The following PRDM16 variants were observed in gnomAD, a reference collection of about 807,000 sequenced individuals.
PRDM16 encodes PR/SET domain 16, also known as histone-lysine N-methyltransferase PRDM16.
A neutral mutation model predicts 110.6 loss-of-function variants in PRDM16; 23 were observed. The ratio of observed to expected loss-of-function variants is 0.21; its 90% CI spans 0.15 to 0.29. The LOEUF is 0.29. PRDM16 is among the 10% of genes least tolerant of loss of function. The probability of loss-of-function intolerance (pLI) is 1.00; values close to 1 mark genes in which losing one functional copy is unlikely to be tolerated. For missense variants in PRDM16, 1,615 were observed against 1,794.3 expected (o/e 0.90, Z 1.81); for synonymous variants, 799 against 781.8 (o/e 1.02, Z -0.37).
chr1:3,325,988 C>G (rs182514555), intron 3 of PRDM16, among the ~76,000 whole-genome samples: 98 of 145,486 alleles, frequency 6.7e-4, no homozygotes, highest in Non-Finnish European at 3.2e-4. Context: ...CATCCTCGAC[C>G]ATCCTTGGCC....
intron 1 of PRDM16, among the ~76,000 whole-genome samples, chr1:3,162,263 C>G (rs890948225): frequency 6.6e-6 from 1 of 152,166 alleles, no homozygotes; most frequent in Non-Finnish European, 1.5e-5. Context: ...AGTGACTCTG[C>G]GTCCCTCCTC....
At chr1:3,369,394 G>A (rs1252354294) in intron 3 of PRDM16, among the ~76,000 whole-genome samples, 2 of 152,210 alleles carry the variant, frequency 1.3e-5, no homozygotes, top group Non-Finnish European at 2.9e-5. Context: ...GCCCATCACC[G>A]AGCATCTGGG....
At chr1:3,172,440 G>T (rs1239879747) in intron 1 of PRDM16, among the ~76,000 whole-genome samples, 7 of 152,300 alleles carry the variant, frequency 4.6e-5, no homozygotes, top group African/African-American at 1.7e-4. Context: ...AATAGCCTGG[G>T]TTTTGTTGAT....
chr1:3,219,180 A>T (rs1452119511), intron 2 of PRDM16, among the ~76,000 whole-genome samples: 1 of 152,276 alleles, frequency 6.6e-6, no homozygotes, highest in Non-Finnish European at 1.5e-5. Context: ...GCATGCCGAC[A>T]AACGGCTCCC....
Position 3,350,263 on chromosome 1 carries a change from C to G in PRDM16, c.439-34889C>G, listed in dbSNP as rs371190499. 2.0e-5 allele frequency among the ~76,000 whole-genome samples: 3 copies of G among 152,268 alleles called. No individual in the cohort carries two copies. The highest frequency in any genetic ancestry group is 1.3e-4 in the Admixed American group (2 of 15,296). On this transcript the variant is annotated intron_variant, in intron 3 of 16. Coordinates refer to ENST00000270722, the MANE Select transcript of PRDM16 (RefSeq NM_022114.4). The surrounding 1 kb of genome is among the most constrained non-coding windows in gnomAD (Gnocchi z 7.1). The stretch of plus-strand genomic sequence containing the variant: ...ATCGCTTGAGCTCAGGAGGTCCGGG[C>G]TACAGAGAGCTGTGATCACACCACT...
chr1:3,385,913 C>T (rs187823467), intron 4 of PRDM16, among the ~76,000 whole-genome samples: 4 of 152,354 alleles, frequency 2.6e-5, no homozygotes, highest in Admixed American at 2.6e-4. Context: ...TTGACCTCCA[C>T]GGCTGGTCCA....
Position 3,088,520 on chromosome 1 carries a change from C to T in PRDM16, c.37+19224C>T, listed in dbSNP as rs185295149. Among the ~76,000 whole-genome samples the T allele has an allele frequency of 5.3e-3, 794 of 151,144 alleles. 8 individuals carry two copies. The highest frequency in any genetic ancestry group is 0.018 in the African/African-American group (751 of 41,350). On this transcript the variant is annotated intron_variant, in intron 1 of 16. Transcript: ENST00000270722. ...TCGCTCTGTCACTCAGGCTGGAGTG[C>T]GGTGGCGCGATCTCAGCTCACTGCA... is the stretch of plus-strand genomic sequence containing the variant.
At chr1:3,212,971 C>A (rs1317373465) in intron 2 of PRDM16, among the ~76,000 whole-genome samples, 1 of 152,230 alleles carries the variant, frequency 6.6e-6, no homozygotes, top group Non-Finnish European at 1.5e-5. Context: ...AGCTCCCTGG[C>A]AGCAGAGCTG....
chr1:3,326,489 A>T (rs1641912386), intron 3 of PRDM16, among the ~76,000 whole-genome samples: 1 of 152,100 alleles, frequency 6.6e-6, no homozygotes, highest in African/African-American at 2.4e-5. Flanking sequence ...GTGTTTGAGG[A>T]TGCCAGACTT....
At position 3,434,976 on chromosome 1, in the gene PRDM16, T is replaced by A. The variant is rs769342445; in HGVS notation, c.*1165T>A. The stretch of plus-strand genomic sequence containing the variant: ...ACCAAGCCGCACCTGTGCCTGAGAC[T>A]CCGGATGGACGACACAGTCGTCACG... On this transcript the variant is annotated 3_prime_UTR_variant, in exon 17 of 17. Coordinates refer to ENST00000270722, the MANE Select transcript of PRDM16 (RefSeq NM_022114.4). 5 of 228,728 alleles carry A rather than the reference T, an allele frequency of 2.2e-5. No individual in the cohort carries two copies. Among genetic ancestry groups the A allele is most frequent in the Non-Finnish European group, 4.3e-5 (5 of 115,310 alleles). 14.2% of individuals were successfully genotyped at this position (228,728 alleles called of 1,614,324 possible).
chr1:3,094,021 C>T (rs769249550), intron 1 of PRDM16, among the ~76,000 whole-genome samples: 9 of 152,222 alleles, frequency 5.9e-5, no homozygotes, highest in Non-Finnish European at 8.8e-5. Flanking sequence ...CAGGAAGTGC[C>T]GAGCAGAAGT....
At chr1:3,291,143 G>A (rs1283659570) in intron 3 of PRDM16, among the ~76,000 whole-genome samples, 5 of 152,064 alleles carry the variant, frequency 3.3e-5, no homozygotes, top group African/African-American at 4.8e-5. Context: ...GAGGCAGGGC[G>A]TGGACCAGGA....
intron 3 of PRDM16, among the ~76,000 whole-genome samples, chr1:3,256,585 G>A (rs140254933): frequency 2.8e-4 from 43 of 152,328 alleles, no homozygotes; most frequent in African/African-American, 7.2e-4. Context: ...TCGGTCGGGC[G>A]TGGTGGCTCA....
Position 3,432,109 on chromosome 1 carries a change from A to G in PRDM16, c.3665A>G (p.Lys1222Arg). The G allele has an allele frequency of 6.2e-7, 1 of 1,613,892 alleles. No homozygotes were observed. The highest frequency in any genetic ancestry group is 8.5e-7 in the Non-Finnish European group (1 of 1,179,980). The change falls in exon 16 of 17, where the codon AAA (lysine) becomes AGA (arginine). Residue 1222 changes from lysine (K) to arginine (R), a missense_variant. By Grantham distance (26) the Lys-to-Arg change is conservative (BLOSUM62 2). Coordinates refer to ENST00000270722, the MANE Select transcript of PRDM16 (RefSeq NM_022114.4). ...LNSTLDSEALKHTLCRQAKNQ... is the reference protein window; with the variant it reads ...LNSTLDSEALRHTLCRQAKNQ... ...TCCACCTTAGATTCTGAGGCTTTAA[A>G]ACATACACTGTGCAGGCAGGCTAAG... is the stretch of plus-strand genomic sequence containing the variant.
chr1:3,166,165 T>G (rs929575422), intron 1 of PRDM16, among the ~76,000 whole-genome samples: 1 of 152,382 alleles, frequency 6.6e-6, no homozygotes, highest in African/African-American at 2.4e-5. Flanking sequence ...CAGGAAATCA[T>G]GGATTTCCAA....
chr1:3,430,844 C>CA (rs1326300904), intron 14 of PRDM16, 28 bp from the exon 15 acceptor site: 1 of 1,610,414 alleles, frequency 6.2e-7, no homozygotes, highest in Non-Finnish European at 8.5e-7. Flanking sequence ...CACCCAAACT[C>CA]AGTCAATCTC....
chr1:3,185,046 G>A (rs956238792), intron 1 of PRDM16, among the ~76,000 whole-genome samples: 1 of 152,168 alleles, frequency 6.6e-6, no homozygotes, highest in Admixed American at 6.5e-5. Flanking sequence ...GGACATTTGG[G>A]CTGTTTCTGC....
At chr1:3,432,454 G>A (rs906051672) in intron 16 of PRDM16, among the ~76,000 whole-genome samples, 3 of 152,166 alleles carry the variant, frequency 2.0e-5, no homozygotes, top group Non-Finnish European at 4.4e-5. Context: ...CCGCCCAGCC[G>A]CCTTCGTCTC....
chr1:3,185,533 G>A (rs537804758), intron 1 of PRDM16, among the ~76,000 whole-genome samples: 45 of 151,958 alleles, frequency 3.0e-4, no homozygotes, highest in African/African-American at 8.0e-4. Context: ...TCCAGCCTGC[G>A]GCCCAAGTGC....
Sources: gnomAD v4.1 joint callset for allele counts (sites outside exome capture counted in the v4.1 genomes callset) on GRCh38, gnomAD v4.1.1 for gene constraint, Gnocchi (gnomAD v3.1) non-coding constraint, MANE v1.5 for transcripts, NCBI Gene and HGNC (gene_info 2026-07-23, HGNC 2026-07-21) for gene names.